The following GRB10 variants were observed in gnomAD, a reference collection of about 807,000 sequenced individuals.
The protein encoded by GRB10 is growth factor receptor bound protein 10, also known as growth factor receptor-bound protein 10.
In GRB10, 20 loss-of-function variants were observed where a neutral mutation model predicts 80.9. The observed-to-expected ratio is 0.25, with a 90% confidence interval of 0.17 to 0.36. The LOEUF is 0.36. GRB10 is among the 10% of genes least tolerant of loss of function. The pLI, the probability that GRB10 is intolerant of heterozygous loss-of-function variation, is 1.00. For synonymous variants in GRB10, 291 were observed against 291.5 expected (o/e 1.00, Z 0.02); for missense variants, 548 against 747.7 (o/e 0.73, Z 3.12).
At chr7:50,640,334 C>G (rs563263648) in intron 7 of GRB10, among the ~76,000 whole-genome samples, 2 of 152,180 alleles carry the variant, frequency 1.3e-5, no homozygotes, top group African/African-American at 4.8e-5. Flanking sequence ...AGAGGCAGGT[C>G]CAGCAGGCAC....
At chr7:50,632,904 G>A (rs1028321985) in intron 7 of GRB10, among the ~76,000 whole-genome samples, 45 of 152,272 alleles carry the variant, frequency 3.0e-4, no homozygotes, top group African/African-American at 1.0e-3. Flanking sequence ...CTGCCCTGGA[G>A]AGCCTGGTCA....
chr7:50,728,149 G>T (rs1258517112), intron 4 of GRB10, among the ~76,000 whole-genome samples: 1 of 151,210 alleles, frequency 6.6e-6, no homozygotes, highest in African/African-American at 2.4e-5. Flanking sequence ...GTTAAGAGTG[G>T]CAGGTACTAT....
intron 5 of GRB10, among the ~76,000 whole-genome samples, chr7:50,675,858 C>T (rs1412645365): frequency 6.6e-6 from 1 of 152,214 alleles, no homozygotes; most frequent in Non-Finnish European, 1.5e-5. Flanking sequence ...GGAGCTAGGG[C>T]TGTGCAGCTT....
At chr7:50,603,855 C>T (rs968931018) in intron 17 of GRB10, 143 bp downstream of exon 17, 2 of 809,782 alleles carry the variant, frequency 2.5e-6, no homozygotes, top group African/African-American at 1.7e-5. Flanking sequence ...CCACTTATAC[C>T]TCTAGCCTAC....
chr7:50,727,408 T>G (rs2068827601), intron 4 of GRB10, among the ~76,000 whole-genome samples: 2 of 152,218 alleles, frequency 1.3e-5, no homozygotes, highest in Non-Finnish European at 2.9e-5. Context: ...CCTGGTACCC[T>G]AATACCCAGC....
chr7:50,615,022 G>A lies in GRB10; in HGVS notation c.985-142C>T, dbSNP rs866520433. The A allele has an allele frequency of 2.7e-5, 19 of 696,362 alleles. No homozygotes were observed. The East Asian group carries it at 3.0e-4, about 11-fold the overall frequency. 43.1% of individuals were successfully genotyped at this position (696,362 alleles called of 1,614,324 possible). A position where few individuals can be genotyped will look rare whatever the true frequency, so the allele number is the denominator to read the frequency against. On this transcript the variant is annotated intron_variant, in intron 11 of 18. Transcript: ENST00000401949. The stretch of plus-strand genomic sequence containing the variant: ...TACATATTACATATGATTATTACGC[G>A]AGGTGTAATAAGTGCTAAACTAAAA...
intron 7 of GRB10, among the ~76,000 whole-genome samples, chr7:50,634,440 T>C (rs1029360546): frequency 5.3e-5 from 8 of 152,198 alleles, no homozygotes; most frequent in Admixed American, 1.3e-4. Flanking sequence ...CATAACAGCA[T>C]ACATAAGTAG....
chr7:50,739,931 C>T (rs1185545748), intron 3 of GRB10, among the ~76,000 whole-genome samples: 3 of 152,198 alleles, frequency 2.0e-5, no homozygotes, highest in Non-Finnish European at 4.4e-5. Flanking sequence ...AGCTCTTATG[C>T]CACCTCTTCC....
intron 4 of GRB10, among the ~76,000 whole-genome samples, chr7:50,706,726 C>A (rs2065085109): frequency 6.6e-6 from 1 of 152,174 alleles, no homozygotes; most frequent in South Asian, 2.1e-4. Context: ...TAGACTAGAT[C>A]CTGAGGGCAC....
At chr7:50,760,084 G>C (rs1362533349) in intron 2 of GRB10, among the ~76,000 whole-genome samples, 1 of 152,224 alleles carries the variant, frequency 6.6e-6, no homozygotes, top group Non-Finnish European at 1.5e-5. Flanking sequence ...TAGCCAGAGA[G>C]CGTGCTTCCC....
chr7:50,618,093 C>T lies in GRB10; in HGVS notation c.824G>A (p.Gly275Asp), dbSNP rs555920373. Residue 275 changes from glycine to aspartate, a missense_variant, in exon 10 of 19, where the codon GGC (glycine) becomes GAC (aspartate). Physicochemically the swap from Gly to Asp is moderately conservative, Grantham distance 94 (BLOSUM62 -1). Around this residue, in one of 4 missense-constraint regions of GRB10, gnomAD observed 270 missense variants for 433.6 expected, o/e 0.62. Coordinates refer to ENST00000401949, the MANE Select transcript of GRB10 (RefSeq NM_001350814.2). Reference sequence around the variant, plus strand: ...TACCTGCAAAAGCTGGGTTTGACTGCCATTTGACTGCTGGCACCAAGTAAC... The same window carrying T: ...TACCTGCAAAAGCTGGGTTTGACTGTCATTTGACTGCTGGCACCAAGTAAC... ...QMVTWCQQSN[G>D]SQTQLLQNFL... The T allele has an allele frequency of 6.2e-7, 1 of 1,613,954 alleles. No homozygotes were observed. The highest frequency in any genetic ancestry group is 8.5e-7 in the Non-Finnish European group (1 of 1,179,848).
intron 4 of GRB10, among the ~76,000 whole-genome samples, chr7:50,725,230 G>C (rs770526515): frequency 6.6e-6 from 1 of 152,184 alleles, no homozygotes; most frequent in Admixed American, 6.5e-5. Context: ...AAGTTGCCAC[G>C]AGACCTGGTT....
At chr7:50,664,130 C>T (rs1006457803) in intron 7 of GRB10, among the ~76,000 whole-genome samples, 4 of 152,202 alleles carry the variant, frequency 2.6e-5, no homozygotes, top group Non-Finnish European at 2.9e-5. Flanking sequence ...AGTCTTGCCT[C>T]GAGGAGCTAC....
intron 3 of GRB10, among the ~76,000 whole-genome samples, chr7:50,743,221 A>G (rs1311476752): frequency 2.0e-5 from 3 of 152,238 alleles, no homozygotes; most frequent in Non-Finnish European, 4.4e-5. Flanking sequence ...TATTAGGTAC[A>G]AGGGTCTATA....
intron 8 of GRB10, among the ~76,000 whole-genome samples, chr7:50,625,517 T>G (rs2052717159): frequency 6.6e-6 from 1 of 152,202 alleles, no homozygotes; most frequent in African/African-American, 2.4e-5. Flanking sequence ...CAGACCACTG[T>G]AGGATCCACT....
At chr7:50,698,427 T>C (rs1303905016) in intron 5 of GRB10, among the ~76,000 whole-genome samples, 1 of 152,252 alleles carries the variant, frequency 6.6e-6, no homozygotes, top group East Asian at 1.9e-4. Flanking sequence ...TCATTAATTC[T>C]TGTCATTCAA....
intron 3 of GRB10, among the ~76,000 whole-genome samples, chr7:50,732,613 T>A (rs892264070): frequency 6.6e-6 from 1 of 152,140 alleles, no homozygotes; most frequent in Non-Finnish European, 1.5e-5. Flanking sequence ...CCCAGAGTGG[T>A]GAGGGTGACA....
chr7:50,672,129 C>T (rs1180019327), intron 6 of GRB10, among the ~76,000 whole-genome samples: 2 of 152,210 alleles, frequency 1.3e-5, no homozygotes, highest in Non-Finnish European at 2.9e-5. Flanking sequence ...GCCTTCTTGC[C>T]CTTCCCAAGT....
chr7:50,747,676 A>T (rs566694569), intron 3 of GRB10: 1 of 152,368 alleles, frequency 6.6e-6, no homozygotes, highest in South Asian at 2.1e-4. Context: ...TCTGCTGAAA[A>T]CAGGCCGCCT....
Sources: allele counts gnomAD v4.1 joint callset (sites outside exome capture counted in the v4.1 genomes callset), GRCh38; gene constraint gnomAD v4.1.1; regional missense constraint gnomAD v4.1.1; transcripts MANE v1.5; gene names NCBI Gene and HGNC (gene_info 2026-07-23, HGNC 2026-07-21).